Variants in KLHDC9 observed in about 807,000 individuals in gnomAD.
KLHDC9 encodes the protein kelch domain containing 9, also known as kelch domain-containing protein 9.
Under a neutral mutation model 31.5 loss-of-function variants are expected in KLHDC9, and 26 were observed. The ratio of observed to expected loss-of-function variants is 0.83; its 90% CI spans 0.61 to 1.15. The LOEUF is 1.15. Among genes scored for constraint, KLHDC9 ranks in the 50% most tolerant of loss-of-function variants. The pLI, the probability that KLHDC9 is intolerant of heterozygous loss-of-function variation, is 0.00. For synonymous variants in KLHDC9, 176 were observed against 184.7 expected, an observed-to-expected ratio of 0.95 and a Z score of 0.38; for missense variants, 437 against 467.7, an observed-to-expected ratio of 0.93 and a Z score of 0.61.
chr1:161,099,225 C>A, intron 1 of KLHDC9, 121 bp from the exon 2 acceptor site: 1 of 1,329,314 alleles, frequency 7.5e-7, no homozygotes, highest in East Asian at 2.4e-5. Flanking sequence ...CAGTATTACC[C>A]TCCCTCTTAT....
At position 161,100,227 on chromosome 1, in the gene KLHDC9, A is replaced by T; in HGVS notation, c.*3A>T. 1 of 1,613,968 alleles carries T rather than the reference A, an allele frequency of 6.2e-7. No individual in the cohort carries two copies. Among genetic ancestry groups the T allele is most frequent in the South Asian group, 1.1e-5 (1 of 91,066 alleles). ...TTTGCATCCTGGACTTTATCTAAAT[A>T]GTGCCAAGACACATCACTAAGCCTC... On this transcript the variant is annotated 3_prime_UTR_variant, in exon 4 of 4. Coordinates refer to ENST00000368011, the MANE Select transcript of KLHDC9 (RefSeq NM_152366.5).
Position 161,098,532 on chromosome 1 carries a change from GC to G in KLHDC9, c.-1del. ...CCCCACCGCCCTCCCTCTCCCCGGGGCCCATGGCGGTGGCCGTGCCCCCGGG... is the reference window on the plus strand; with the variant it reads ...CCCCACCGCCCTCCCTCTCCCCGGGGCCATGGCGGTGGCCGTGCCCCCGGG... On this transcript the variant is annotated 5_prime_UTR_variant, in exon 1 of 4. Coordinates refer to ENST00000368011, the MANE Select transcript of KLHDC9 (RefSeq NM_152366.5). This position sits in a 1 kb window ranked among gnomAD's most constrained non-coding sequence, Gnocchi z 6.3. The G allele has an allele frequency of 6.5e-7, 1 of 1,548,050 alleles. No individual in the cohort carries two copies. Among genetic ancestry groups the G allele is most frequent in the Non-Finnish European group, 8.7e-7 (1 of 1,144,696 alleles).
intron 1 of KLHDC9, 111 bp from the exon 2 acceptor site, chr1:161,099,235 T>C (rs1300067335): frequency 5.1e-6 from 7 of 1,373,652 alleles, no homozygotes; most frequent in Admixed American, 3.6e-5. Context: ...CTCCCTCTTA[T>C]CCCACCTACC....
Position 161,099,457 on chromosome 1 carries a change from C to T in KLHDC9, c.639C>T (p.Asn213=). The change falls in exon 2 of 4, where the codon AAC becomes AAT. Residue 213 remains asparagine (N), a synonymous_variant. Coordinates refer to ENST00000368011, the MANE Select transcript of KLHDC9 (RefSeq NM_152366.5). Reference sequence around the variant, plus strand: ...AGCTATTGCTCTTTGGAGGTTGCAACTTAGCTGAACCAGAAGTAGCTGGGC... The same window carrying T: ...AGCTATTGCTCTTTGGAGGTTGCAATTTAGCTGAACCAGAAGTAGCTGGGC... The part of the protein sequence containing the change: ...GHQLLLFGGC[N]LAEPEVAGHW... 1 of 1,614,258 alleles carries T rather than the reference C, an allele frequency of 6.2e-7. No individual in the cohort carries two copies. The highest frequency in any genetic ancestry group is 8.5e-7 in the Non-Finnish European group (1 of 1,180,044).
chr1:161,099,595 A>T lies in KLHDC9; in HGVS notation c.688-3A>T. On this transcript the variant is annotated splice_region_variant and splice_polypyrimidine_tract_variant and intron_variant, in intron 2 of 3. Transcript: ENST00000368011. Reference sequence around the variant, plus strand: ...TTCGGACAGTCCTTTCTTTCTCCCCAAGGAGGAACCACCTGTTGCTCCTCA... The same window carrying T: ...TTCGGACAGTCCTTTCTTTCTCCCCTAGGAGGAACCACCTGTTGCTCCTCA... 1.9e-6 allele frequency: 3 copies of T among 1,614,162 alleles called. No individual in the cohort carries two copies. Among genetic ancestry groups the T allele is most frequent in the Non-Finnish European group, 2.5e-6 (3 of 1,180,016 alleles).
In KLHDC9 at chr1:161,098,598, G is replaced by A. The variant is rs1654415226; in HGVS notation, c.63G>A (p.Ala21=). The A allele has an allele frequency of 6.3e-7, 1 of 1,593,726 alleles. No homozygotes were observed. Among genetic ancestry groups the A allele is most frequent in the Admixed American group, 1.8e-5 (1 of 56,928 alleles). ...AGSGWAWRPV[A]RDALLARAFH... is the part of the protein sequence containing the mutation. The stretch of plus-strand genomic sequence containing the variant: ...CAGGCTGGGCCTGGAGGCCAGTGGC[G>A]CGGGACGCGCTTTTGGCTAGAGCTT... Residue 21 remains alanine, a synonymous_variant, in exon 1 of 4, where the codon GCG becomes GCA. Coordinates refer to ENST00000368011, the MANE Select transcript of KLHDC9 (RefSeq NM_152366.5). This position sits in a 1 kb window ranked among gnomAD's most constrained non-coding sequence, Gnocchi z 6.3.
chr1:161,098,860 G>T lies in KLHDC9; in HGVS notation c.325G>T (p.Ala109Ser), dbSNP rs1266372152. The change falls in exon 1 of 4, where the codon GCA (alanine) becomes TCA (serine). Residue 109 changes from alanine to serine, a missense_variant. Ala to Ser is a moderately conservative substitution (Grantham distance 99, BLOSUM62 1). Transcript: ENST00000368011. The surrounding 1 kb of genome is among the most constrained non-coding windows in gnomAD (Gnocchi z 6.3). The part of the protein sequence containing the change: ...DGSRRLATVT[A>S]LDTERGVWEA... ...GTCTCGCCGCTTGGCCACAGTGACC[G>T]CACTGGACACAGAGCGCGGTGTGTG... 1 of 1,578,360 alleles carries T rather than the reference G, an allele frequency of 6.3e-7. No homozygotes were observed. Among genetic ancestry groups the T allele is most frequent in the Non-Finnish European group, 8.6e-7 (1 of 1,162,524 alleles).
rs1037723150 is a variant in KLHDC9 at position 161,098,768 on chromosome 1, C to A, written c.233C>A (p.Pro78Gln). Residue 78 changes from proline (P) to glutamine (Q), a missense_variant, in exon 1 of 4, where the codon CCG (proline) becomes CAG (glutamine). Transcript: ENST00000368011. The surrounding 1 kb of genome is among the most constrained non-coding windows in gnomAD (Gnocchi z 6.3). ...CGATTGGGAGCCCGGGGCAGCCCCC[C>A]GCGCAGTCACCACGACGCGGCACCC... ...AVRLGARGSPPRSHHDAAPVD... is the reference protein window; with the variant it reads ...AVRLGARGSPQRSHHDAAPVD... The A allele has an allele frequency of 2.3e-5, 37 of 1,599,772 alleles. No individual in the cohort carries two copies. The highest frequency in any genetic ancestry group is 3.1e-5 in the Non-Finnish European group (36 of 1,173,066).
chr1:161,098,827 TGGGACG>T lies in KLHDC9; in HGVS notation c.295_300del (p.Asp99_Gly100del). On this transcript the variant is annotated inframe_deletion, in exon 1 of 4. Transcript: ENST00000368011. The surrounding 1 kb of genome is among the most constrained non-coding windows in gnomAD (Gnocchi z 6.3). ...GCGTTGGCTCTGCGTGGTGGGCGGC[TGGGACG>T]GGTCTCGCCGCTTGGCCACAGTGAC... 6.3e-7 allele frequency: 1 copy of T among 1,580,362 alleles called. No homozygotes were observed. Among genetic ancestry groups the T allele is most frequent in the East Asian group, 2.3e-5 (1 of 42,634 alleles).
Position 161,099,649 on chromosome 1 carries a change from A to G in KLHDC9, c.739A>G (p.Ser247Gly). 6.2e-7 allele frequency: 1 copy of G among 1,614,164 alleles called. No individual in the cohort carries two copies. The highest frequency in any genetic ancestry group is 8.5e-7 in the Non-Finnish European group (1 of 1,180,038). Residue 247 changes from serine to glycine, a missense_variant, in exon 3 of 4, where the codon AGC becomes GGC. Coordinates refer to ENST00000368011, the MANE Select transcript of KLHDC9 (RefSeq NM_152366.5). ...HLMEQLARLV[S>G]SGQGSQKGPH... The stretch of plus-strand genomic sequence containing the variant: ...GATGGAACAGCTTGCAAGGCTTGTG[A>G]GCAGTGGGCAGGGGTCCCAGAAGGG...
In KLHDC9 at chr1:161,098,797, G is replaced by T; in HGVS notation, c.262G>T (p.Asp88Tyr). 1 of 1,589,390 alleles carries T rather than the reference G, an allele frequency of 6.3e-7. No homozygotes were observed. Among genetic ancestry groups the T allele is most frequent in the Non-Finnish European group, 8.6e-7 (1 of 1,168,018 alleles). ...PRSHHDAAPV[D>Y]GRWLCVVGGW... Reference sequence around the variant, plus strand: ...CAGTCACCACGACGCGGCACCCGTGGACGGGCGTTGGCTCTGCGTGGTGGG... The same window carrying T: ...CAGTCACCACGACGCGGCACCCGTGTACGGGCGTTGGCTCTGCGTGGTGGG... The change falls in exon 1 of 4, where the codon GAC (aspartate) becomes TAC (tyrosine). Residue 88 changes from aspartate to tyrosine, a missense_variant. Transcript: ENST00000368011. The surrounding 1 kb of genome is among the most constrained non-coding windows in gnomAD (Gnocchi z 6.3).
Position 161,099,067 on chromosome 1 carries a change from G to A in KLHDC9, c.527+5G>A. ...CCCCAGCGCCCGCACCTATTGGTATGGCACCCTCCGCCCAAAACCTTTCAC... is the reference window on the plus strand; with the variant it reads ...CCCCAGCGCCCGCACCTATTGGTATAGCACCCTCCGCCCAAAACCTTTCAC... On this transcript the variant is annotated splice_donor_5th_base_variant and intron_variant, in intron 1 of 3. Coordinates refer to ENST00000368011, the MANE Select transcript of KLHDC9 (RefSeq NM_152366.5). The A allele has an allele frequency of 6.3e-7, 1 of 1,595,108 alleles. No homozygotes were observed. Among genetic ancestry groups the A allele is most frequent in the Non-Finnish European group, 8.5e-7 (1 of 1,178,240 alleles).
Position 161,098,445 on chromosome 1 carries a change from G to A in KLHDC9, c.-91G>A. The A allele has an allele frequency of 8.1e-7, 1 of 1,237,632 alleles. No individual in the cohort carries two copies. Among genetic ancestry groups the A allele is most frequent in the Non-Finnish European group, 1.1e-6 (1 of 925,700 alleles). 76.7% of individuals were successfully genotyped at this position (1,237,632 alleles called of 1,614,324 possible). The stretch of plus-strand genomic sequence containing the variant: ...GGCGTCCGGTAGGGGGAGGTTCCCG[G>A]GGAAGCCCGCGGAAGGCGAGGTGCC... On this transcript the variant is annotated 5_prime_UTR_variant, in exon 1 of 4. Transcript: ENST00000368011. The surrounding 1 kb of genome is among the most constrained non-coding windows in gnomAD (Gnocchi z 6.3).
In KLHDC9 at chr1:161,099,581, C is replaced by A; in HGVS notation, c.688-17C>A. 1.9e-6 allele frequency: 3 copies of A among 1,614,192 alleles called. No individual in the cohort carries two copies. Among genetic ancestry groups the A allele is most frequent in the Admixed American group, 1.7e-5 (1 of 60,024 alleles). ...GATGCCCAGGTCTCTTCGGACAGTCCTTTCTTTCTCCCCAAGGAGGAACCA... is the reference window on the plus strand; with the variant it reads ...GATGCCCAGGTCTCTTCGGACAGTCATTTCTTTCTCCCCAAGGAGGAACCA... On this transcript the variant is annotated splice_polypyrimidine_tract_variant and intron_variant, in intron 2 of 3. Transcript: ENST00000368011.
Position 161,098,743 on chromosome 1 carries a change from C to T in KLHDC9, c.208C>T (p.Arg70Ter), listed in dbSNP as rs372847339. 1.7e-5 allele frequency: 28 copies of T among 1,607,134 alleles called. No individual in the cohort carries two copies. The highest frequency in any genetic ancestry group is 6.8e-5 in the Admixed American group (4 of 59,222). Residue 70 changes from arginine to a stop codon, truncating the protein, a stop_gained, in exon 1 of 4, where the codon CGA becomes TGA. Transcript: ENST00000368011. LOFTEE classifies it high-confidence loss of function. This position sits in a 1 kb window ranked among gnomAD's most constrained non-coding sequence, Gnocchi z 6.3. ...CGACCCAGCTAGGGGCCAGGCCGTA[C>T]GATTGGGAGCCCGGGGCAGCCCCCC... ...VFDPARGQAV[R>*]LGARGSPPRS...
chr1:161,098,990 G>T lies in KLHDC9; in HGVS notation c.455G>T (p.Gly152Val). 1 of 1,593,972 alleles carries T rather than the reference G, an allele frequency of 6.3e-7. No homozygotes were observed. The highest frequency in any genetic ancestry group is 1.7e-4 in the Middle Eastern group (1 of 6,056). The part of the protein sequence containing the change: ...DRELQVAGRE[G>V]GIHTQRRYGS... ...GAGCTGCAGGTGGCTGGCCGGGAGG[G>T]CGGTATCCACACTCAGCGACGCTAT... Residue 152 changes from glycine to valine, a missense_variant, in exon 1 of 4, where the codon GGC (glycine) becomes GTC (valine). Transcript: ENST00000368011. The surrounding 1 kb of genome is among the most constrained non-coding windows in gnomAD (Gnocchi z 6.3).
rs1196741886 is a variant in KLHDC9, at chr1:161,098,709, G to A, written c.174G>A (p.Thr58=). 1.1e-5 allele frequency: 18 copies of A among 1,612,428 alleles called. No homozygotes were observed. Among genetic ancestry groups the A allele is most frequent in the Non-Finnish European group, 1.4e-5 (16 of 1,179,226 alleles). ...GAGCGAGAGAGCCCAGCAGCGATACGGTGGTTTTCGACCCAGCTAGGGGCC... is the reference window on the plus strand; with the variant it reads ...GAGCGAGAGAGCCCAGCAGCGATACAGTGGTTTTCGACCCAGCTAGGGGCC... ...AGGAREPSSD[T]VVFDPARGQA... Residue 58 remains threonine, a synonymous_variant, in exon 1 of 4, where the codon ACG becomes ACA. Transcript: ENST00000368011. The surrounding 1 kb of genome is among the most constrained non-coding windows in gnomAD (Gnocchi z 6.3).
In KLHDC9 at chr1:161,099,382, A is replaced by G; in HGVS notation, c.564A>G (p.Ser188=). The change falls in exon 2 of 4, where the codon TCA becomes TCG. Residue 188 remains serine, a synonymous_variant. Coordinates refer to ENST00000368011, the MANE Select transcript of KLHDC9 (RefSeq NM_152366.5). ...AAGGCTGCCACACAGCCTCACGCTC[A>G]GGTCACTGTGCGGCCCTGCTCCAAA... ...KQEGCHTASR[S]GHCAALLQTP... 6.2e-7 allele frequency: 1 copy of G among 1,614,242 alleles called. No individual in the cohort carries two copies. The highest frequency in any genetic ancestry group is 8.5e-7 in the Non-Finnish European group (1 of 1,180,020).
At chr1:161,099,931 T>C (rs986094793) in intron 3 of KLHDC9, 130 bp from the exon 4 acceptor site, 14 of 1,331,016 alleles carry the variant, frequency 1.1e-5, no homozygotes, top group Non-Finnish European at 1.5e-5. Context: ...GTACACAGAA[T>C]ATTAAGCATT....
Sources: allele counts gnomAD v4.1 joint callset, GRCh38; gene constraint gnomAD v4.1.1; non-coding constraint Gnocchi (gnomAD v3.1); transcripts MANE v1.5; gene names NCBI Gene and HGNC (gene_info 2026-07-23, HGNC 2026-07-21).